Variants in ASIC2 observed in about 807,000 individuals in gnomAD.
ASIC2 encodes acid sensing ion channel subunit 2, also known as acid-sensing ion channel 2.
Under a neutral mutation model 57.3 loss-of-function variants are expected in ASIC2, and 25 were observed. That is an observed-to-expected ratio of 0.44 (90% CI 0.32 to 0.61). ASIC2 has a LOEUF of 0.61. Ranked by LOEUF, ASIC2 falls within the 20% of genes least tolerant of loss-of-function variation. The pLI is 0.06. For synonymous variants in ASIC2, 319 were observed against 307.5 expected (o/e 1.04, Z -0.39); for missense variants, 641 against 738.1 (o/e 0.87, Z 1.52).
At chr17:33,320,646 T>G (rs1457697826) in intron 1 of ASIC2, among the ~76,000 whole-genome samples, 5 of 152,220 alleles carry the variant, frequency 3.3e-5, no homozygotes, top group Non-Finnish European at 7.3e-5. Flanking sequence ...GTTGGTTGGA[T>G]TCCATAAGTG....
chr17:34,069,571 T>C (rs1265443075), intron 1 of ASIC2: 1 of 152,224 alleles, frequency 6.6e-6, no homozygotes, highest in Non-Finnish European at 1.5e-5. Flanking sequence ...GCTACTGAGC[T>C]TGCCCTTTCT....
intron 1 of ASIC2, among the ~76,000 whole-genome samples, chr17:33,119,367 A>T (rs985756590): frequency 1.3e-5 from 2 of 152,222 alleles, no homozygotes; most frequent in Non-Finnish European, 2.9e-5. Flanking sequence ...TTTCAAAATA[A>T]TATGCTTGTT....
chr17:33,400,717 C>T (rs1274144446), intron 1 of ASIC2, among the ~76,000 whole-genome samples: 1 of 152,080 alleles, frequency 6.6e-6, no homozygotes, highest in East Asian at 1.9e-4. Flanking sequence ...CTATGCAAAC[C>T]ACTGTCCAGG....
intron 1 of ASIC2, among the ~76,000 whole-genome samples, chr17:33,808,731 C>T (rs1019000628): frequency 5.9e-5 from 9 of 152,152 alleles, no homozygotes; most frequent in Non-Finnish European, 2.9e-5. Context: ...TTGATACCCT[C>T]TACTAAGGCA....
chr17:33,489,770 C>G (rs1913692980), intron 1 of ASIC2, among the ~76,000 whole-genome samples: 2 of 152,242 alleles, frequency 1.3e-5, no homozygotes, highest in Non-Finnish European at 2.9e-5. Context: ...TGAGTGTTCA[C>G]TCATTCACCA....
intron 1 of ASIC2, chr17:34,039,319 G>T (rs1360747949): frequency 1.2e-6 from 2 of 1,613,864 alleles, no homozygotes; most frequent in Non-Finnish European, 1.7e-6. Flanking sequence ...AGATCCCGTA[G>T]ATGAGGGACT....
intron 1 of ASIC2, among the ~76,000 whole-genome samples, chr17:33,177,697 C>A (rs561777517): frequency 2.0e-5 from 3 of 152,300 alleles, no homozygotes; most frequent in South Asian, 2.1e-4. Flanking sequence ...ACCCCTCAGT[C>A]TTAGGGGGTG....
rs183042819 is a variant in ASIC2, at chr17:34,080,318, C to G, written c.555+75660G>C. Among the ~76,000 whole-genome samples the G allele has an allele frequency of 4.1e-4, 62 of 152,270 alleles. No homozygotes were observed. The East Asian group carries it at 9.7e-3, about 24-fold the overall frequency. Reference sequence around the variant, plus strand: ...CCCCTGGATTTGTGCAATGTGGTGGCCATTTCCCCATGATCTCTCAGCTAT... The same window carrying G: ...CCCCTGGATTTGTGCAATGTGGTGGGCATTTCCCCATGATCTCTCAGCTAT... On this transcript the variant is annotated intron_variant, in intron 1 of 9. Coordinates refer to the ASIC2 transcript ENST00000359872.
At chr17:33,495,093 A>G (rs1170735113) in intron 1 of ASIC2, among the ~76,000 whole-genome samples, 1 of 152,154 alleles carries the variant, frequency 6.6e-6, no homozygotes, top group Non-Finnish European at 1.5e-5. Flanking sequence ...TGAGAGGGAG[A>G]GAAGTGAGGG....
In ASIC2 at chr17:33,223,733, G is replaced by T. The variant is rs185522420; in HGVS notation, c.708+67675C>A. On this transcript the variant is annotated intron_variant, in intron 1 of 9. Transcript: ENST00000225823. ...AAGTGTTAAGGTCACCACCATTACG[G>T]CTCTCTTAGAAATGGGGTGGCAGTA... Among the ~76,000 whole-genome samples the T allele has an allele frequency of 2.1e-3, 316 of 152,340 alleles. 1 individual carries two copies. Among genetic ancestry groups the T allele is most frequent in the African/African-American group, 7.1e-3 (296 of 41,570 alleles).
chr17:34,049,550 C>T (rs1183915736), intron 1 of ASIC2, among the ~76,000 whole-genome samples: 1 of 152,104 alleles, frequency 6.6e-6, no homozygotes, highest in African/African-American at 2.4e-5. Flanking sequence ...ATGATCAAGC[C>T]CATCCTCCCC....
At chr17:33,792,777 C>T (rs768113882) in intron 1 of ASIC2, 2 of 152,156 alleles carry the variant, frequency 1.3e-5, no homozygotes, top group Non-Finnish European at 2.9e-5. Context: ...CACATTCAGG[C>T]AGAGATGCTC....
intron 1 of ASIC2, among the ~76,000 whole-genome samples, chr17:33,711,262 G>A (rs369123299): frequency 1.3e-5 from 2 of 152,164 alleles, no homozygotes; most frequent in Admixed American, 6.5e-5. Context: ...GTTCCAACCC[G>A]TGTTGGTCTG....
Position 33,060,577 on chromosome 17 carries a change from T to A in ASIC2, c.987+28286A>T, listed in dbSNP as rs140950805. 4.6e-5 allele frequency among the ~76,000 whole-genome samples: 7 copies of A among 152,320 alleles called. No homozygotes were observed. In the East Asian group the frequency reaches 1.2e-3, roughly 25 times the overall value. On this transcript the variant is annotated intron_variant, in intron 3 of 9. Coordinates refer to ENST00000225823, the MANE Select transcript of ASIC2 (RefSeq NM_183377.2). ...TGGTTACTGTAGCCTTGTAGTATAGTTTGCAGTTGGGTAGCATGATGCCTT... is the reference window on the plus strand; with the variant it reads ...TGGTTACTGTAGCCTTGTAGTATAGATTGCAGTTGGGTAGCATGATGCCTT...
intron 1 of ASIC2, among the ~76,000 whole-genome samples, chr17:33,189,546 C>T (rs73982443): frequency 0.045 from 6,767 of 151,972 alleles, 484 homozygotes; most frequent in African/African-American, 0.15. Context: ...TTGAAAAATG[C>T]GAGACCCAAC....
chr17:33,352,360 T>C (rs1479886687), intron 1 of ASIC2, among the ~76,000 whole-genome samples: 1 of 152,076 alleles, frequency 6.6e-6, no homozygotes, highest in Non-Finnish European at 1.5e-5. Context: ...CTCCATGAGA[T>C]GCACTTGAAG....
intron 1 of ASIC2, among the ~76,000 whole-genome samples, chr17:33,725,285 C>T (rs1393639100): frequency 6.6e-6 from 1 of 152,142 alleles, no homozygotes; most frequent in Non-Finnish European, 1.5e-5. Flanking sequence ...GGGAAAATGT[C>T]ATTTTGGTAA....
intron 1 of ASIC2, among the ~76,000 whole-genome samples, chr17:33,183,255 C>G (rs762137074): frequency 6.6e-6 from 1 of 152,162 alleles, no homozygotes; most frequent in Non-Finnish European, 1.5e-5. Flanking sequence ...CAGTGAGGAG[C>G]TGGAATCATA....
In ASIC2 at chr17:33,661,506, T is replaced by C. The variant is rs867843594; in HGVS notation, c.555+494472A>G. Among the ~76,000 whole-genome samples the C allele has an allele frequency of 1.7e-4, 26 of 152,342 alleles. 1 individual carries two copies. The highest frequency in any genetic ancestry group is 6.0e-4 in the African/African-American group (25 of 41,584). Reference sequence around the variant, plus strand: ...GTTCCCCTGGCCAAGTCTAGTGGCATGGCCTTGGGCAAGACATTGAATGAT... The same window carrying C: ...GTTCCCCTGGCCAAGTCTAGTGGCACGGCCTTGGGCAAGACATTGAATGAT... On this transcript the variant is annotated intron_variant, in intron 1 of 9. Coordinates refer to the ASIC2 transcript ENST00000359872.
Sources: gnomAD v4.1 joint callset for allele counts (sites outside exome capture counted in the v4.1 genomes callset) on GRCh38, gnomAD v4.1.1 for gene constraint, MANE v1.5 for transcripts, NCBI Gene and HGNC (gene_info 2026-07-23, HGNC 2026-07-21) for gene names.